The following PTPRS variants were observed in gnomAD, a reference collection of about 807,000 sequenced individuals.
PTPRS encodes the protein receptor-type tyrosine-protein phosphatase S.
In PTPRS, 63 loss-of-function variants were observed where a neutral mutation model predicts 215.3. The observed-to-expected ratio is 0.29, with a 90% CI of 0.24 to 0.36. PTPRS has a LOEUF of 0.36. Among genes scored for constraint, PTPRS ranks in the 10% least tolerant of loss-of-function variants. The probability of loss-of-function intolerance (pLI) is 1.00; values close to 1 mark genes in which losing one functional copy is unlikely to be tolerated. For missense variants in PTPRS, 2,258 were observed against 2,825.8 expected (o/e 0.80, Z 4.56); for synonymous variants, 1,404 against 1,191.4 (o/e 1.18, Z -3.68).
intron 2 of PTPRS, among the ~76,000 whole-genome samples, chr19:5,283,612 G>A (rs2048066522): frequency 6.6e-6 from 1 of 152,120 alleles, no homozygotes; most frequent in Non-Finnish European, 1.5e-5. Context: ...ACTGAAAGGG[G>A]TCAGTACTGA....
intron 1 of PTPRS, among the ~76,000 whole-genome samples, chr19:5,302,483 G>C (rs898908129): frequency 6.6e-6 from 1 of 152,164 alleles, no homozygotes; most frequent in African/African-American, 2.4e-5. Context: ...GCCCTGCCTT[G>C]AAAGTCACCA....
At position 5,287,595 on chromosome 19, in the gene PTPRS, C is replaced by T. The variant is rs902161051; in HGVS notation, c.-94-1361G>A. On this transcript the variant is annotated intron_variant, in intron 1 of 37. Coordinates refer to ENST00000262963, the MANE Select transcript of PTPRS (RefSeq NM_002850.4). This position sits in a 1 kb window ranked among gnomAD's most constrained non-coding sequence, Gnocchi z 4.8. ...GCCCATGCCCTGGGCGGGTCCAGGC[C>T]GTGACCACAGGAACTGGTGGCGCAT... is the stretch of plus-strand genomic sequence containing the variant. Among the ~76,000 whole-genome samples the T allele has an allele frequency of 2.0e-5, 3 of 152,100 alleles. No individual in the cohort carries two copies. Among genetic ancestry groups the T allele is most frequent in the Non-Finnish European group, 4.4e-5 (3 of 68,024 alleles).
Position 5,243,909 on chromosome 19 carries a change from T to C in PTPRS, c.1562A>G (p.Gln521Arg). The change falls in exon 11 of 38, where the codon CAG becomes CGG. Residue 521 changes from glutamine (Q) to arginine (R), a missense_variant. Physicochemically the swap from Gln to Arg is conservative, Grantham distance 43 (BLOSUM62 1). This residue lies in a region of PTPRS where 508 missense variants were observed against 799.4 expected (regional missense o/e 0.64). Coordinates refer to ENST00000262963, the MANE Select transcript of PTPRS (RefSeq NM_002850.4). The stretch of plus-strand genomic sequence containing the variant: ...CCGACCCCACGCCTCACCTCCCTGC[T>C]GCGTCTTGACCTGGATGGGGTCCGA... Reference protein sequence around the residue: ...PLSDPIQVKTQQGVPGQPMNL... With the variant: ...PLSDPIQVKTRQGVPGQPMNL... 6.6e-7 allele frequency: 1 copy of C among 1,516,934 alleles called. No individual in the cohort carries two copies. The highest frequency in any genetic ancestry group is 1.4e-5 in the African/African-American group (1 of 73,318). The allele number at this position is 1,516,934 out of a possible 1,614,324, so 94.0% of individuals were successfully genotyped here. A position where few individuals can be genotyped will look rare whatever the true frequency, so the allele number is the denominator to read the frequency against.
At chr19:5,259,257 C>T (rs1042942072) in intron 7 of PTPRS, among the ~76,000 whole-genome samples, 1 of 152,136 alleles carries the variant, frequency 6.6e-6, no homozygotes, top group Non-Finnish European at 1.5e-5. Flanking sequence ...ACTGATTTCC[C>T]CTCAATACAT....
chr19:5,268,101 C>T (rs1390041389), intron 4 of PTPRS, among the ~76,000 whole-genome samples: 5 of 151,662 alleles, frequency 3.3e-5, no homozygotes, highest in Admixed American at 6.6e-5. Flanking sequence ...AGCCGGGAGG[C>T]GGACTTTGCA....
chr19:5,261,404 C>T (rs886345722), intron 6 of PTPRS, among the ~76,000 whole-genome samples: 3 of 152,100 alleles, frequency 2.0e-5, no homozygotes, highest in African/African-American at 7.2e-5. Flanking sequence ...AGCCTGGCAG[C>T]CTTCTTACCA....
At chr19:5,217,755 C>T (rs1220459431) in intron 25 of PTPRS, among the ~76,000 whole-genome samples, 4 of 152,108 alleles carry the variant, frequency 2.6e-5, no homozygotes, top group Admixed American at 6.6e-5. Flanking sequence ...GAATAGCAGC[C>T]ATCAGTAAAA....
chr19:5,228,626 G>A (rs1402927287), intron 16 of PTPRS, among the ~76,000 whole-genome samples: 1 of 152,162 alleles, frequency 6.6e-6, no homozygotes, highest in Admixed American at 6.5e-5. Flanking sequence ...CTACAGGCAT[G>A]AGCCACCACG....
At chr19:5,318,805 A>G (rs577895880) in intron 1 of PTPRS, among the ~76,000 whole-genome samples, 1 of 152,080 alleles carries the variant, frequency 6.6e-6, no homozygotes, top group Admixed American at 6.5e-5. Context: ...GGCATGAGCC[A>G]TTGGGCCCAG....
Position 5,237,822 on chromosome 19 carries a change from G to C in PTPRS, c.1849+1097C>G, listed in dbSNP as rs1383009202. Among the ~76,000 whole-genome samples, 1 of 152,154 alleles carries C rather than the reference G, an allele frequency of 6.6e-6. No homozygotes were observed. Among genetic ancestry groups the C allele is most frequent in the Non-Finnish European group, 1.5e-5 (1 of 68,018 alleles). The stretch of plus-strand genomic sequence containing the variant: ...AGGTGCTCAGCTCGGCTTGGTTTGT[G>C]GGGAGCAGGAAGGAGGGAAGGGGGC... On this transcript the variant is annotated intron_variant, in intron 13 of 37. Coordinates refer to ENST00000262963, the MANE Select transcript of PTPRS (RefSeq NM_002850.4). The surrounding 1 kb of genome is among the most constrained non-coding windows in gnomAD (Gnocchi z 4.2).
intron 22 of PTPRS, 119 bp from the exon 23 acceptor site, chr19:5,219,586 A>C: frequency 7.8e-7 from 1 of 1,281,390 alleles, no homozygotes; most frequent in Non-Finnish European, 1.0e-6. Flanking sequence ...ATATTCCTAG[A>C]ACCTTGACCC....
chr19:5,268,760 G>GCGT (rs1297919251), intron 4 of PTPRS, among the ~76,000 whole-genome samples: 1 of 152,212 alleles, frequency 6.6e-6, no homozygotes, highest in East Asian at 1.9e-4. Context: ...CGGAGGCACA[G>GCGT]GCAGTCACAC....
chr19:5,334,352 T>A (rs74429014), intron 1 of PTPRS, among the ~76,000 whole-genome samples: 1 of 152,158 alleles, frequency 6.6e-6, no homozygotes, highest in African/African-American at 2.4e-5. Flanking sequence ...AAAAACAGAA[T>A]AGAGGTGGCA....
At chr19:5,304,849 G>A (rs1196696997) in intron 1 of PTPRS, among the ~76,000 whole-genome samples, 1 of 151,574 alleles carries the variant, frequency 6.6e-6, no homozygotes, top group African/African-American at 2.4e-5. Flanking sequence ...GTGTGGAAGA[G>A]GAAACCTAAC....
At chr19:5,231,173 A>C in intron 14 of PTPRS, 137 bp downstream of exon 14, 1 of 918,288 alleles carries the variant, frequency 1.1e-6, no homozygotes. Context: ...TTTCTCGGGG[A>C]GGCTGCTTGC....
At chr19:5,260,773 G>A (rs779960873) in intron 7 of PTPRS, 32 bp downstream of exon 7, 19 of 1,613,180 alleles carry the variant, frequency 1.2e-5, no homozygotes, top group Non-Finnish European at 1.6e-5. Context: ...AAGAGCGAGC[G>A]TGAGTGGGTG....
chr19:5,218,368 C>G, intron 25 of PTPRS, 52 bp downstream of exon 25: 1 of 1,539,848 alleles, frequency 6.5e-7, no homozygotes, highest in Non-Finnish European at 8.9e-7. Context: ...CTGCTTCTCC[C>G]CAGCTATCTC....
chr19:5,333,316 A>T (rs11666751), intron 1 of PTPRS, among the ~76,000 whole-genome samples: 100,070 of 146,576 alleles, frequency 0.68, 34,133 homozygotes, highest in African/African-American at 0.76. Context: ...CAAAAAAAAA[A>T]TAAATAAATA....
At chr19:5,225,905 C>T in intron 16 of PTPRS, 61 bp from the exon 17 acceptor site, 1 of 1,382,898 alleles carries the variant, frequency 7.2e-7, no homozygotes, top group Non-Finnish European at 1.0e-6. Context: ...CACCCACCCC[C>T]ACTCCCCGTG....
Sources: gnomAD v4.1 joint callset for allele counts (sites outside exome capture counted in the v4.1 genomes callset) on GRCh38, gnomAD v4.1.1 for gene constraint, gnomAD v4.1.1 regional missense constraint, Gnocchi (gnomAD v3.1) non-coding constraint, MANE v1.5 for transcripts, NCBI Gene and HGNC (gene_info 2026-07-23, HGNC 2026-07-21) for gene names.